The following SMAP2 variants were observed in gnomAD, a reference collection of about 807,000 sequenced individuals.
The protein encoded by SMAP2 is small ArfGAP2.
A neutral mutation model predicts 56.4 loss-of-function variants in SMAP2; 25 were observed. That is an observed-to-expected ratio of 0.44 (90% CI 0.32 to 0.62). The LOEUF (loss-of-function observed/expected upper bound fraction) is 0.62. Ranked by LOEUF, SMAP2 falls within the 20% of genes least tolerant of loss-of-function variation. The probability of loss-of-function intolerance (pLI) is 0.04; values close to 1 mark genes in which losing one functional copy is unlikely to be tolerated. For synonymous variants in SMAP2, 157 were observed against 181.7 expected (o/e 0.86, Z 1.09); for missense variants, 388 against 545.6 (o/e 0.71, Z 2.88).
At chr1:40,359,499 A>G (rs1644450536) in intron 1 of SMAP2, among the ~76,000 whole-genome samples, 1 of 152,218 alleles carries the variant, frequency 6.6e-6, no homozygotes, top group South Asian at 2.1e-4. Context: ...CAGAGAGTTT[A>G]GTCCATTTAC....
In SMAP2 at chr1:40,374,342, C is replaced by A; in HGVS notation, c.103+119C>A. ...CCAACTCGGCTTATAAGTGGTAACG[C>A]GTGCTGCGCTTGCAGTGAGCCTACT... On this transcript the variant is annotated intron_variant, in intron 1 of 9. Transcript: ENST00000372718. This position sits in a 1 kb window ranked among gnomAD's most constrained non-coding sequence, Gnocchi z 5.9. 1.2e-6 allele frequency: 1 copy of A among 846,954 alleles called. No homozygotes were observed. Among genetic ancestry groups the A allele is most frequent in the South Asian group, 1.5e-5 (1 of 65,088 alleles). 52.5% of individuals were successfully genotyped at this position (846,954 alleles called of 1,614,324 possible). A position where few individuals can be genotyped will look rare whatever the true frequency, so the allele number is the denominator to read the frequency against.
At chr1:40,390,784 C>T (rs1644707513) in intron 1 of SMAP2, among the ~76,000 whole-genome samples, 1 of 152,146 alleles carries the variant, frequency 6.6e-6, no homozygotes, top group Non-Finnish European at 1.5e-5. Flanking sequence ...AATGACTTGA[C>T]CTCTCTAGGC....
At chr1:40,420,458 C>T (rs1645031525) in intron 9 of SMAP2, among the ~76,000 whole-genome samples, 1 of 152,080 alleles carries the variant, frequency 6.6e-6, no homozygotes, top group Non-Finnish European at 1.5e-5. Flanking sequence ...ACCATGAGTC[C>T]ACGGTGATAT....
At position 40,374,082 on chromosome 1, in the gene SMAP2, G is replaced by A. The variant is rs1644518008; in HGVS notation, c.-39G>A. On this transcript the variant is annotated 5_prime_UTR_variant, in exon 1 of 10. Transcript: ENST00000372718. This position sits in a 1 kb window ranked among gnomAD's most constrained non-coding sequence, Gnocchi z 5.9. ...TGAGGCAGGGGTCTCTGGGGGCGAG[G>A]AGGGCGCGTCGCCCTCTGCCCCCGC... 6.5e-7 allele frequency: 1 copy of A among 1,527,532 alleles called. No individual in the cohort carries two copies. Among genetic ancestry groups the A allele is most frequent in the African/African-American group, 1.4e-5 (1 of 73,262 alleles). The allele number at this position is 1,527,532 out of a possible 1,614,324, so 94.6% of individuals were successfully genotyped here.
intron 1 of SMAP2, among the ~76,000 whole-genome samples, chr1:40,353,250 T>C (rs2124161508): frequency 6.6e-6 from 1 of 152,352 alleles, no homozygotes; most frequent in Middle Eastern, 3.4e-3. Flanking sequence ...TTTTCTCTTC[T>C]TCCTTCATTG....
At chr1:40,409,254 G>A (rs992381936) in intron 3 of SMAP2, among the ~76,000 whole-genome samples, 39 of 152,096 alleles carry the variant, frequency 2.6e-4, no homozygotes, top group African/African-American at 8.9e-4. Flanking sequence ...TTCTCAAAAT[G>A]TAGTTTGTAG....
chr1:40,381,754 T>G (rs182395926), intron 1 of SMAP2, among the ~76,000 whole-genome samples: 1 of 152,352 alleles, frequency 6.6e-6, no homozygotes, highest in Admixed American at 6.5e-5. Flanking sequence ...TAGGTCCACC[T>G]GCTATTCACA....
At chr1:40,348,248 A>G (rs1242141680) in intron 1 of SMAP2, among the ~76,000 whole-genome samples, 1 of 152,216 alleles carries the variant, frequency 6.6e-6, no homozygotes, top group Non-Finnish European at 1.5e-5. Flanking sequence ...AGAGTACACA[A>G]TATTCTAAGG....
rs1424429969 is a variant in SMAP2, at chr1:40,416,843, C to T, written c.911C>T (p.Thr304Ile). 1 of 1,613,432 alleles carries T rather than the reference C, an allele frequency of 6.2e-7. No individual in the cohort carries two copies. Among genetic ancestry groups the T allele is most frequent in the Non-Finnish European group, 8.5e-7 (1 of 1,179,372 alleles). ...PTAYPSFPGV[T>I]PPNSIMGSMM... ...GCCTACCCCAGCTTCCCCGGGGTTA[C>T]ACCTCCTAACAGCATAATGGGGAGC... The change falls in exon 9 of 10, where the codon ACA (threonine) becomes ATA (isoleucine). Residue 304 changes from threonine to isoleucine, a missense_variant. Coordinates refer to ENST00000372718, the MANE Select transcript of SMAP2 (RefSeq NM_022733.3).
intron 2 of SMAP2, chr1:40,364,922 T>G (rs1235067575): frequency 4.5e-6 from 1 of 222,790 alleles, no homozygotes; most frequent in Non-Finnish European, 9.5e-6. Flanking sequence ...CTAAATAAGG[T>G]GGGTAAGTTC....
At chr1:40,357,511 T>C (rs1469002581) in intron 1 of SMAP2, among the ~76,000 whole-genome samples, 7 of 151,912 alleles carry the variant, frequency 4.6e-5, no homozygotes, top group Non-Finnish European at 1.5e-5. Context: ...CCCTGTCCAA[T>C]GTCCCAGAGA....
At chr1:40,375,792 A>G (rs1310823142) in intron 1 of SMAP2, 1 of 980,264 alleles carries the variant, frequency 1.0e-6, no homozygotes, top group African/African-American at 1.8e-5. Flanking sequence ...GCATTGCTGC[A>G]TTTGGAGAGT....
chr1:40,415,357 C>G lies in SMAP2; in HGVS notation c.657C>G (p.Ser219=). 6.2e-7 allele frequency: 1 copy of G among 1,613,176 alleles called. No homozygotes were observed. ...TAGATCTGTTGGCCTCTGTTCCATC[C>G]CCTTCTTCTTCCGGTTCCAGAAAGG... The part of the protein sequence containing the change: ...KDLDLLASVP[S]PSSSGSRKVV... Residue 219 remains serine, a synonymous_variant, in exon 7 of 10, where the codon TCC becomes TCG. Transcript: ENST00000372718.
At position 40,414,174 on chromosome 1, in the gene SMAP2, G is replaced by A; in HGVS notation, c.505G>A (p.Asp169Asn). 1 of 1,614,120 alleles carries A rather than the reference G, an allele frequency of 6.2e-7. No individual in the cohort carries two copies. Among genetic ancestry groups the A allele is most frequent in the African/African-American group, 1.3e-5 (1 of 75,032 alleles). Residue 169 changes from aspartate (D) to asparagine (N), a missense_variant, in exon 6 of 10, where the codon GAC (aspartate) becomes AAC (asparagine). By Grantham distance (23) the Asp-to-Asn change is conservative. Transcript: ENST00000372718. ...EKVKMPQKKE[D>N]PQLPRKSSPK... ...TTCACCTTAGCCACAGAAAAAAGAAGACCCACAGCTACCTCGGAAAAGCTC... is the reference window on the plus strand; with the variant it reads ...TTCACCTTAGCCACAGAAAAAAGAAAACCCACAGCTACCTCGGAAAAGCTC...
chr1:40,409,436 T>C (rs757684217), intron 3 of SMAP2, among the ~76,000 whole-genome samples: 1 of 152,266 alleles, frequency 6.6e-6, no homozygotes, highest in Non-Finnish European at 1.5e-5. Flanking sequence ...ACCTAAGTGC[T>C]TTAAAATAGA....
At chr1:40,411,768 G>T (rs543342646) in intron 4 of SMAP2, among the ~76,000 whole-genome samples, 1 of 151,444 alleles carries the variant, frequency 6.6e-6, no homozygotes, top group East Asian at 1.9e-4. Flanking sequence ...ATGAAATGTC[G>T]TGTTAAAGAC....
chr1:40,387,728 C>T (rs1243431445), intron 1 of SMAP2, among the ~76,000 whole-genome samples: 4 of 152,200 alleles, frequency 2.6e-5, no homozygotes, highest in Non-Finnish European at 5.9e-5. Context: ...TCGGTGCCTC[C>T]TCGGCCTTGG....
Position 40,374,189 on chromosome 1 carries a change from GGAT to G in SMAP2, c.70_72del (p.Asp24del). On this transcript the variant is annotated inframe_deletion, in exon 1 of 10. Transcript: ENST00000372718. This position sits in a 1 kb window ranked among gnomAD's most constrained non-coding sequence, Gnocchi z 5.9. ...TCCTGGCCAACCTGCTGCTGGAGGAGGATAACAAGTTTTGTGCAGATTGCCAGT... is the reference window on the plus strand; with the variant it reads ...TCCTGGCCAACCTGCTGCTGGAGGAGAACAAGTTTTGTGCAGATTGCCAGT... 6.2e-7 allele frequency: 1 copy of G among 1,613,654 alleles called. No individual in the cohort carries two copies. The highest frequency in any genetic ancestry group is 1.1e-5 in the South Asian group (1 of 90,934).
Position 40,385,584 on chromosome 1 carries a change from G to GA in SMAP2, c.103+11362dup, listed in dbSNP as rs1158045059. Reference sequence around the variant, plus strand: ...GAAACAGTGAAGCAAATGCGAGAGGGAGAGAGACCTACTCTCAGCTGTAGC... The same window carrying GA: ...GAAACAGTGAAGCAAATGCGAGAGGGAAGAGAGACCTACTCTCAGCTGTAGC... On this transcript the variant is annotated intron_variant, in intron 1 of 9. Transcript: ENST00000372718. The surrounding 1 kb of genome is among the most constrained non-coding windows in gnomAD (Gnocchi z 4.5). Among the ~76,000 whole-genome samples, 4 of 152,242 alleles carry GA rather than the reference G, an allele frequency of 2.6e-5. No homozygotes were observed. The highest frequency in any genetic ancestry group is 9.6e-5 in the African/African-American group (4 of 41,462).
Sources: gnomAD v4.1 joint callset for allele counts (sites outside exome capture counted in the v4.1 genomes callset) on GRCh38, gnomAD v4.1.1 for gene constraint, Gnocchi (gnomAD v3.1) non-coding constraint, MANE v1.5 for transcripts, NCBI Gene and HGNC (gene_info 2026-07-23, HGNC 2026-07-21) for gene names.